The following PARD3 variants were observed in gnomAD, a reference collection of about 807,000 sequenced individuals.
PARD3 encodes the protein partitioning defective 3 homolog.
PARD3 carries 75 observed loss-of-function variants against 155.4 expected under a neutral mutation model. The ratio of observed to expected loss-of-function variants is 0.48; its 90% CI spans 0.40 to 0.58. The LOEUF is 0.58. Among genes scored for constraint, PARD3 ranks in the 20% least tolerant of loss-of-function variants. The probability of loss-of-function intolerance (pLI) is 0.00; values close to 1 mark genes in which losing one functional copy is unlikely to be tolerated. For synonymous variants in PARD3, 576 were observed against 610.5 expected (o/e 0.94, Z 0.83); for missense variants, 1,642 against 1,721.7 (o/e 0.95, Z 0.82).
At chr10:34,665,465 A>G (rs943648849) in intron 2 of PARD3, among the ~76,000 whole-genome samples, 5 of 152,140 alleles carry the variant, frequency 3.3e-5, no homozygotes, top group Non-Finnish European at 7.4e-5. Context: ...GGTTGCAGTG[A>G]GCTGAGATTG....
At chr10:34,808,230 C>T (rs2134400706) in intron 1 of PARD3, among the ~76,000 whole-genome samples, 1 of 152,188 alleles carries the variant, frequency 6.6e-6, no homozygotes, top group South Asian at 2.1e-4. Context: ...AGGAGGATCG[C>T]TTGAGCCTGG....
chr10:34,399,557 A>C, intron 6 of PARD3, 144 bp from the exon 7 acceptor site: 1 of 637,574 alleles, frequency 1.6e-6, no homozygotes, highest in Non-Finnish European at 2.8e-6. Flanking sequence ...CCAAGTGCAT[A>C]GGCATATATA....
intron 2 of PARD3, among the ~76,000 whole-genome samples, chr10:34,677,801 C>T (rs890122766): frequency 6.6e-6 from 1 of 152,042 alleles, no homozygotes; most frequent in African/African-American, 2.4e-5. Flanking sequence ...GAAAGACCAC[C>T]GGAGGGCACA....
chr10:34,314,110 C>T (rs1957854557), intron 20 of PARD3, among the ~76,000 whole-genome samples: 1 of 151,854 alleles, frequency 6.6e-6, no homozygotes, highest in South Asian at 2.1e-4. Flanking sequence ...CTAAGGAAAC[C>T]ACATCCTAGT....
intron 2 of PARD3, among the ~76,000 whole-genome samples, chr10:34,586,454 T>C (rs2088059580): frequency 6.6e-6 from 1 of 152,144 alleles, no homozygotes. Context: ...GAGATAGGTC[T>C]AAAGATGTAT....
At chr10:34,645,380 A>G (rs531253862) in intron 2 of PARD3, among the ~76,000 whole-genome samples, 2 of 151,794 alleles carry the variant, frequency 1.3e-5, no homozygotes, top group South Asian at 4.2e-4. Flanking sequence ...TAATTTTTGT[A>G]TTATTAGTAG....
intron 5 of PARD3, among the ~76,000 whole-genome samples, chr10:34,431,294 G>C (rs1197889673): frequency 1.3e-5 from 2 of 152,242 alleles, no homozygotes; most frequent in Non-Finnish European, 2.9e-5. Context: ...GATTCAGAAA[G>C]TAGGGGGAGT....
At chr10:34,288,806 A>T (rs1956528966) in intron 20 of PARD3, among the ~76,000 whole-genome samples, 1 of 152,224 alleles carries the variant, frequency 6.6e-6, no homozygotes, top group African/African-American at 2.4e-5. Context: ...TTCTCAGCAC[A>T]GAATCAGAGT....
chr10:34,156,650 C>T (rs1949018152), intron 22 of PARD3, among the ~76,000 whole-genome samples: 1 of 152,138 alleles, frequency 6.6e-6, no homozygotes, highest in Non-Finnish European at 1.5e-5. Context: ...TGAGAAAGTT[C>T]CTCATGGTAC....
intron 14 of PARD3, among the ~76,000 whole-genome samples, chr10:34,358,642 G>A (rs1347899016): frequency 1.3e-5 from 2 of 152,146 alleles, no homozygotes; most frequent in African/African-American, 4.8e-5. Flanking sequence ...GCAGCGAGCT[G>A]TGACCACAAC....
chr10:34,496,375 TAAAGG>T, intron 3 of PARD3, among the ~76,000 whole-genome samples: 1 of 152,116 alleles, frequency 6.6e-6, no homozygotes, highest in Non-Finnish European at 1.5e-5. Context: ...CCCTACTAAA[TAAAGG>T]AATTACAGTA....
chr10:34,479,689 C>T (rs754041579), intron 3 of PARD3, among the ~76,000 whole-genome samples: 10 of 152,144 alleles, frequency 6.6e-5, no homozygotes, highest in African/African-American at 2.4e-4. Context: ...AACTGCATGG[C>T]GCACCAGTGC....
chr10:34,316,738 A>G (rs1164672294), intron 20 of PARD3, among the ~76,000 whole-genome samples: 1 of 152,184 alleles, frequency 6.6e-6, no homozygotes, highest in African/African-American at 2.4e-5. Context: ...AATTATTTAC[A>G]TGGTTGGCAA....
intron 21 of PARD3, among the ~76,000 whole-genome samples, chr10:34,278,054 C>T (rs990251249): frequency 1.3e-5 from 2 of 151,996 alleles, no homozygotes; most frequent in Non-Finnish European, 2.9e-5. Context: ...TTGTCTTTTC[C>T]CCCTGCCCAG....
chr10:34,446,994 T>A (rs2076772505), intron 5 of PARD3, among the ~76,000 whole-genome samples: 1 of 152,000 alleles, frequency 6.6e-6, no homozygotes, highest in African/African-American at 2.4e-5. Context: ...ATAAAGCAAC[T>A]AAACCCTCTC....
intron 14 of PARD3, among the ~76,000 whole-genome samples, chr10:34,353,163 C>G (rs1838357419): frequency 6.6e-6 from 1 of 152,184 alleles, no homozygotes; most frequent in African/African-American, 2.4e-5. Flanking sequence ...GCCGCCCCGT[C>G]CGGGAGGGAG....
intron 7 of PARD3, among the ~76,000 whole-genome samples, chr10:34,391,799 T>C (rs1012238548): frequency 6.6e-6 from 1 of 152,266 alleles, no homozygotes; most frequent in Non-Finnish European, 1.5e-5. Context: ...ATAATACTTA[T>C]GAAATACATA....
At chr10:34,157,010 T>C (rs192448803) in intron 22 of PARD3, among the ~76,000 whole-genome samples, 4 of 152,316 alleles carry the variant, frequency 2.6e-5, no homozygotes, top group Non-Finnish European at 5.9e-5. Context: ...TGCTGAATCA[T>C]GAACATGATT....
intron 2 of PARD3, among the ~76,000 whole-genome samples, chr10:34,581,176 TG>T (rs1488629174): frequency 6.6e-6 from 1 of 151,894 alleles, no homozygotes; most frequent in Non-Finnish European, 1.5e-5. Flanking sequence ...AATATTTATT[TG>T]GGATTCTTGG....
Sources: allele counts gnomAD v4.1 joint callset (sites outside exome capture counted in the v4.1 genomes callset), GRCh38; gene constraint gnomAD v4.1.1; transcripts MANE v1.5; gene names NCBI Gene and HGNC (gene_info 2026-07-23, HGNC 2026-07-21).